RNF144B: variants seen among roughly 807,000 people sequenced by gnomAD.
RNF144B encodes the protein ring finger protein 144B, also known as E3 ubiquitin-protein ligase RNF144B.
Under a neutral mutation model 40.2 loss-of-function variants are expected in RNF144B, and 25 were observed. That is an observed-to-expected ratio of 0.62 (90% CI 0.45 to 0.87). The LOEUF (loss-of-function observed/expected upper bound fraction) is 0.87, where lower values mean the gene tolerates loss of function less well. Among genes scored for constraint, RNF144B ranks in the 40% least tolerant of loss-of-function variants. The probability of loss-of-function intolerance (pLI) is 0.00; values close to 1 mark genes in which losing one functional copy is unlikely to be tolerated. For missense variants in RNF144B, 365 were observed against 373.7 expected (o/e 0.98, Z 0.19); for synonymous variants, 145 against 136.3 (o/e 1.06, Z -0.44).
At position 18,446,560 on chromosome 6, in the gene RNF144B, T is replaced by C. The variant is rs981591354; in HGVS notation, c.331+6816T>C. Among the ~76,000 whole-genome samples, 1 of 152,194 alleles carries C rather than the reference T, an allele frequency of 6.6e-6. No homozygotes were observed. Among genetic ancestry groups the C allele is most frequent in the East Asian group, 1.9e-4 (1 of 5,196 alleles). ...AACTTGGCTACATATGCTACCATTATCTTTTTTACTATGGGAAATTGATGT... is the reference window on the plus strand; with the variant it reads ...AACTTGGCTACATATGCTACCATTACCTTTTTTACTATGGGAAATTGATGT... On this transcript the variant is annotated intron_variant, in intron 4 of 7. Transcript: ENST00000259939. This position sits in a 1 kb window ranked among gnomAD's most constrained non-coding sequence, Gnocchi z 4.7.
chr6:18,396,667 C>T (rs1276034973), intron 1 of RNF144B: 1 of 985,100 alleles, frequency 1.0e-6, no homozygotes, highest in East Asian at 1.1e-4. Flanking sequence ...AAAGATAATT[C>T]AGAATAGATT....
Position 18,450,083 on chromosome 6 carries a change from G to T in RNF144B, c.332-7072G>T, listed in dbSNP as rs1759175790. On this transcript the variant is annotated intron_variant, in intron 4 of 7. Coordinates refer to ENST00000259939, the MANE Select transcript of RNF144B (RefSeq NM_182757.4). The surrounding 1 kb of genome is among the most constrained non-coding windows in gnomAD (Gnocchi z 4.7). ...CTGTGTGTAGCTGTTTGACTGTAAG[G>T]GATAAGTCAGCTGTCACTGTTCCAG... Among the ~76,000 whole-genome samples, 1 of 152,102 alleles carries T rather than the reference G, an allele frequency of 6.6e-6. No homozygotes were observed. The highest frequency in any genetic ancestry group is 2.4e-5 in the African/African-American group (1 of 41,410).
rs1402617674 is a variant in RNF144B at position 18,442,153 on chromosome 6, T to C, written c.331+2409T>C. 6.6e-6 allele frequency among the ~76,000 whole-genome samples: 1 copy of C among 152,222 alleles called. No individual in the cohort carries two copies. The highest frequency in any genetic ancestry group is 2.4e-5 in the African/African-American group (1 of 41,452). The stretch of plus-strand genomic sequence containing the variant: ...TTTCCACTCTTTCCCCAGATAGTGG[T>C]TGGCTTTTTGACTTTTCAGTAGTAT... On this transcript the variant is annotated intron_variant, in intron 4 of 7. Coordinates refer to ENST00000259939, the MANE Select transcript of RNF144B (RefSeq NM_182757.4). The surrounding 1 kb of genome is among the most constrained non-coding windows in gnomAD (Gnocchi z 4.3).
intron 2 of RNF144B, chr6:18,401,850 C>T (rs1470743904): frequency 1.1e-5 from 1 of 91,504 alleles, no homozygotes; most frequent in Non-Finnish European, 2.6e-5. Context: ...GAGAACCACC[C>T]CCCTGCCCCA....
At chr6:18,449,391 G>C (rs373882242) in intron 4 of RNF144B, among the ~76,000 whole-genome samples, 46 of 152,086 alleles carry the variant, frequency 3.0e-4, no homozygotes, top group African/African-American at 1.1e-3. Flanking sequence ...CATCTCAAAG[G>C]CTTTATCTCT....
chr6:18,387,633 A>G lies in RNF144B; in HGVS notation c.-37+3A>G, dbSNP rs1266579932. 2.3e-6 allele frequency: 3 copies of G among 1,298,894 alleles called. No homozygotes were observed. The highest frequency in any genetic ancestry group is 2.3e-5 in the Admixed American group (1 of 44,430). The allele number at this position is 1,298,894 out of a possible 1,614,324, so 80.5% of individuals were successfully genotyped here. On this transcript the variant is annotated splice_donor_region_variant and intron_variant, in intron 1 of 7. Coordinates refer to ENST00000259939, the MANE Select transcript of RNF144B (RefSeq NM_182757.4). The stretch of plus-strand genomic sequence containing the variant: ...GAGGAACGCAGGTCTGCTGCCAGGT[A>G]GGTTTAGCGAGCTTTTTAAAGGCTA...
rs1759583476 is a variant in RNF144B, at chr6:18,467,001, GA to G, written c.*1941del. 1 of 150,800 alleles carries G rather than the reference GA, an allele frequency of 6.6e-6. No homozygotes were observed. The highest frequency in any genetic ancestry group is 1.5e-5 in the Non-Finnish European group (1 of 67,456). The allele number at this position is 150,800 out of a possible 1,614,324, so 9.3% of individuals were successfully genotyped here. ...TTCTTTTGAAACTCTAAACACTTCA[GA>G]AAAAAACACTATCAGTGTAGTTCAT... is the stretch of plus-strand genomic sequence containing the variant. On this transcript the variant is annotated 3_prime_UTR_variant, in exon 8 of 8. Transcript: ENST00000259939.
At chr6:18,451,664 T>C (rs1319263569) in intron 4 of RNF144B, among the ~76,000 whole-genome samples, 1 of 152,244 alleles carries the variant, frequency 6.6e-6, no homozygotes, top group Non-Finnish European at 1.5e-5. Context: ...GAGCAGTTTA[T>C]TAATGTGTTT....
In RNF144B at chr6:18,395,992, T is replaced by A. The variant is rs1243362296; in HGVS notation, c.-36-3507T>A. Among the ~76,000 whole-genome samples, 1 of 152,260 alleles carries A rather than the reference T, an allele frequency of 6.6e-6. No individual in the cohort carries two copies. Among genetic ancestry groups the A allele is most frequent in the Admixed American group, 6.5e-5 (1 of 15,290 alleles). The stretch of plus-strand genomic sequence containing the variant: ...ATGTAACTTTTTTCCTCTATGTCAC[T>A]GAGTCATAAGTCCTGCCTTTTTGGA... On this transcript the variant is annotated intron_variant, in intron 1 of 7. Coordinates refer to ENST00000259939, the MANE Select transcript of RNF144B (RefSeq NM_182757.4). The surrounding 1 kb of genome is among the most constrained non-coding windows in gnomAD (Gnocchi z 4.5).
chr6:18,463,698 G>C (rs184028457), intron 7 of RNF144B, among the ~76,000 whole-genome samples: 2 of 152,284 alleles, frequency 1.3e-5, no homozygotes, highest in African/African-American at 4.8e-5. Flanking sequence ...GCCCTTTAAG[G>C]CATATTACCT....
intron 1 of RNF144B, among the ~76,000 whole-genome samples, chr6:18,391,039 T>C (rs1794568625): frequency 6.6e-6 from 1 of 152,228 alleles, no homozygotes; most frequent in South Asian, 2.1e-4. Flanking sequence ...ATGAAACTTT[T>C]AACTTTAACA....
In RNF144B at chr6:18,459,795, A is replaced by G. The variant is rs774037743; in HGVS notation, c.681+44A>G. The G allele has an allele frequency of 3.2e-6, 5 of 1,549,686 alleles. No individual in the cohort carries two copies. The East Asian group carries it at 9.1e-5, about 28-fold the overall frequency. On this transcript the variant is annotated intron_variant, in intron 6 of 7. Transcript: ENST00000259939. This position sits in a 1 kb window ranked among gnomAD's most constrained non-coding sequence, Gnocchi z 4.2. Reference sequence around the variant, plus strand: ...TGTTGTATGGTGTTTCCTATACTGTATCTGCACCACAGCTGATATCCTACA... The same window carrying G: ...TGTTGTATGGTGTTTCCTATACTGTGTCTGCACCACAGCTGATATCCTACA...
rs1221283744 is a variant in RNF144B, at chr6:18,412,591, CTAAGTAGG to C, written c.165+12896_165+12903del. The stretch of plus-strand genomic sequence containing the variant: ...ATTCATGTCCAGTGACAAAATGTTA[CTAAGTAGG>C]TAAAGGAGGTTTAAAAAATTTAGGC... On this transcript the variant is annotated intron_variant, in intron 2 of 7. Coordinates refer to ENST00000259939, the MANE Select transcript of RNF144B (RefSeq NM_182757.4). The surrounding 1 kb of genome is among the most constrained non-coding windows in gnomAD (Gnocchi z 4.2). Among the ~76,000 whole-genome samples, 45 of 152,140 alleles carry C rather than the reference CTAAGTAGG, an allele frequency of 3.0e-4. No homozygotes were observed. The highest frequency in any genetic ancestry group is 1.1e-3 in the African/African-American group (44 of 41,498).
chr6:18,415,843 G>GC (rs982497292), intron 2 of RNF144B, among the ~76,000 whole-genome samples: 12 of 147,242 alleles, frequency 8.1e-5, no homozygotes, highest in Non-Finnish European at 1.8e-4. Flanking sequence ...CTTGGGTTTT[G>GC]TTTTTTTTTT....
chr6:18,390,383 A>G (rs889857609), intron 1 of RNF144B, among the ~76,000 whole-genome samples: 1 of 152,228 alleles, frequency 6.6e-6, no homozygotes, highest in Admixed American at 6.5e-5. Flanking sequence ...CTAATGCATC[A>G]TACCATAGTT....
At chr6:18,439,404 G>A (rs553485973) in intron 3 of RNF144B, among the ~76,000 whole-genome samples, 10 of 152,134 alleles carry the variant, frequency 6.6e-5, no homozygotes, top group African/African-American at 1.7e-4. Flanking sequence ...ATAAAATTTT[G>A]TTGTCTGGTC....
Position 18,422,240 on chromosome 6 carries a change from C to T in RNF144B, c.166-5341C>T, listed in dbSNP as rs1335675919. 2.6e-5 allele frequency among the ~76,000 whole-genome samples: 4 copies of T among 152,164 alleles called. No individual in the cohort carries two copies. On this transcript the variant is annotated intron_variant, in intron 2 of 7. Coordinates refer to ENST00000259939, the MANE Select transcript of RNF144B (RefSeq NM_182757.4). The surrounding 1 kb of genome is among the most constrained non-coding windows in gnomAD (Gnocchi z 4.7). The stretch of plus-strand genomic sequence containing the variant: ...GAATTGTGCTAATAATTTAACTCAA[C>T]AGCATCTAACAAAGGCAGTCTTATT...
At chr6:18,428,014 T>C (rs1466871338) in intron 3 of RNF144B, among the ~76,000 whole-genome samples, 1 of 152,176 alleles carries the variant, frequency 6.6e-6, no homozygotes, top group Non-Finnish European at 1.5e-5. Context: ...CCTTGAATTG[T>C]AATAATCCCC....
rs149859873 is a variant in RNF144B at position 18,443,169 on chromosome 6, G to A, written c.331+3425G>A. Among the ~76,000 whole-genome samples, 8 of 152,284 alleles carry A rather than the reference G, an allele frequency of 5.3e-5. No individual in the cohort carries two copies. The East Asian group carries it at 9.6e-4, about 18-fold the overall frequency. ...TCTTACTGTCATAAAGTATTGCAGT[G>A]TATTAAATTTAGTGGCCTTTTGATT... is the stretch of plus-strand genomic sequence containing the variant. On this transcript the variant is annotated intron_variant, in intron 4 of 7. Coordinates refer to ENST00000259939, the MANE Select transcript of RNF144B (RefSeq NM_182757.4). The surrounding 1 kb of genome is among the most constrained non-coding windows in gnomAD (Gnocchi z 4.7).
Sources: gnomAD v4.1 joint callset for allele counts (sites outside exome capture counted in the v4.1 genomes callset) on GRCh38, gnomAD v4.1.1 for gene constraint, Gnocchi (gnomAD v3.1) non-coding constraint, MANE v1.5 for transcripts, NCBI Gene and HGNC (gene_info 2026-07-23, HGNC 2026-07-21) for gene names.